The following POLR2F variants were observed in gnomAD, a reference collection of about 807,000 sequenced individuals.
POLR2F encodes the protein RNA polymerase II, I and III subunit F.
POLR2F carries 12 observed loss-of-function variants against 22.7 expected under a neutral mutation model. The observed-to-expected ratio is 0.53, with a 90% CI of 0.34 to 0.86. POLR2F has a LOEUF of 0.86. Among genes scored for constraint, POLR2F ranks in the 40% least tolerant of loss-of-function variants. The pLI, the probability that POLR2F is intolerant of heterozygous loss-of-function variation, is 0.02. For synonymous variants in POLR2F, 57 were observed against 66.0 expected (o/e 0.86, Z 0.66); for missense variants, 126 against 171.5 (o/e 0.73, Z 1.48).
chr22:37,994,046 A>T (rs369401122), intron 1 of POLR2F, among the ~76,000 whole-genome samples: 1 of 152,234 alleles, frequency 6.6e-6, no homozygotes, highest in East Asian at 1.9e-4. Flanking sequence ...AACAAGACCT[A>T]GTAGTTGCCT....
chr22:38,001,377 C>G (rs1343689965), intron 1 of POLR2F, among the ~76,000 whole-genome samples: 2 of 152,084 alleles, frequency 1.3e-5, no homozygotes, highest in Non-Finnish European at 2.9e-5. Flanking sequence ...TTGACAGATA[C>G]AGAAATAATG....
chr22:37,976,624 G>A (rs73415864), intron 4 of POLR2F, among the ~76,000 whole-genome samples: 4 of 152,242 alleles, frequency 2.6e-5, no homozygotes, highest in South Asian at 4.1e-4. Context: ...GCAGATGCCC[G>A]GGAGCCAAAC....
chr22:37,988,862 C>G (rs1217502751), intron 1 of POLR2F: 1 of 154,380 alleles, frequency 6.5e-6, no homozygotes, highest in Non-Finnish European at 1.5e-5. Flanking sequence ...CTGGACCCAC[C>G]AGCCAGGCAG....
rs561763213 is a variant in POLR2F, at chr22:37,976,057, T to C, written c.293+8887T>C. 7.9e-5 allele frequency among the ~76,000 whole-genome samples: 12 copies of C among 152,190 alleles called. 1 individual carries two copies. The highest frequency in any genetic ancestry group is 2.9e-4 in the African/African-American group (12 of 41,522). On this transcript the variant is annotated intron_variant, in intron 4 of 4. Transcript: ENST00000405557. Reference sequence around the variant, plus strand: ...GGCCAACACGGTGAAAAACCATCTCTACTAAAAATACAATAATTAGCTGGG... The same window carrying C: ...GGCCAACACGGTGAAAAACCATCTCCACTAAAAATACAATAATTAGCTGGG...
intron 1 of POLR2F, among the ~76,000 whole-genome samples, chr22:38,022,791 T>A (rs906010172): frequency 3.9e-5 from 6 of 152,074 alleles, no homozygotes; most frequent in Admixed American, 1.3e-4. Flanking sequence ...GGCAGGAGAA[T>A]CACTTGAGGC....
upstream of POLR2F, chr22:37,983,825 C>T (rs1348458381): frequency 5.1e-6 from 7 of 1,366,172 alleles, no homozygotes; most frequent in Non-Finnish European, 5.7e-6. This position sits in a 1 kb window ranked among gnomAD's most constrained non-coding sequence, Gnocchi z 9.5. Flanking sequence ...GGCCGCCTCC[C>T]CCGGGCCAGC....
In POLR2F at chr22:37,986,987, T is replaced by C. The variant is rs1218124556; in HGVS notation, c.120+675T>C. On this transcript the variant is annotated intron_variant, in intron 1 of 2. Coordinates refer to the POLR2F transcript ENST00000333418. The surrounding 1 kb of genome is among the most constrained non-coding windows in gnomAD (Gnocchi z 4.7). The stretch of plus-strand genomic sequence containing the variant: ...TGTCACCTTCTCCTCCTTTCCCTGC[T>C]GGGGGTGGCAGGGGTCCCTTTACCC... 1 of 453,664 alleles carries C rather than the reference T, an allele frequency of 2.2e-6. No homozygotes were observed. The highest frequency in any genetic ancestry group is 4.5e-6 in the Non-Finnish European group (1 of 224,716). The allele number at this position is 453,664 out of a possible 1,614,324, so 28.1% of individuals were successfully genotyped here. A position where few individuals can be genotyped will look rare whatever the true frequency, so the allele number is the denominator to read the frequency against.
At chr22:38,001,674 A>G (rs2084771387) in intron 1 of POLR2F, among the ~76,000 whole-genome samples, 1 of 152,034 alleles carries the variant, frequency 6.6e-6, no homozygotes, top group South Asian at 2.1e-4. Flanking sequence ...CTGGGATTAC[A>G]GGCATGTACC....
chr22:37,979,822 G>T (rs1434395461), intron 4 of POLR2F, among the ~76,000 whole-genome samples: 1 of 152,076 alleles, frequency 6.6e-6, no homozygotes, highest in Non-Finnish European at 1.5e-5. Context: ...TAGAATCCCA[G>T]ACCTTGGTAC....
intron 4 of POLR2F, chr22:37,977,961 G>A (rs760118764): frequency 5.6e-6 from 9 of 1,612,144 alleles, no homozygotes; most frequent in Admixed American, 1.7e-5. Flanking sequence ...CCTGGATGGC[G>A]GCGGTCCCAC....
intron 1 of POLR2F, among the ~76,000 whole-genome samples, chr22:38,018,536 G>A (rs1309494962): frequency 1.3e-5 from 2 of 152,170 alleles, no homozygotes; most frequent in East Asian, 1.9e-4. Flanking sequence ...GGCTATCACC[G>A]AATTCTGATG....
At chr22:38,023,377 T>C (rs2084977651) in intron 1 of POLR2F, among the ~76,000 whole-genome samples, 1 of 152,120 alleles carries the variant, frequency 6.6e-6, no homozygotes, top group South Asian at 2.1e-4. Context: ...TGAAAACTGT[T>C]TCTTAAAATC....
At chr22:38,011,125 A>G (rs1430861089) in intron 1 of POLR2F, among the ~76,000 whole-genome samples, 1 of 151,590 alleles carries the variant, frequency 6.6e-6, no homozygotes, top group Non-Finnish European at 1.5e-5. Flanking sequence ...TTTTTGAGAC[A>G]GGGTCTTGTT....
In POLR2F at chr22:37,986,603, T is replaced by C. The variant is rs1016188657; in HGVS notation, c.120+291T>C. 2 of 687,776 alleles carry C rather than the reference T, an allele frequency of 2.9e-6. No individual in the cohort carries two copies. The highest frequency in any genetic ancestry group is 3.5e-5 in the African/African-American group (2 of 56,936). The allele number at this position is 687,776 out of a possible 1,614,324, so 42.6% of individuals were successfully genotyped here. ...AGCCACGCTAGACAGAAGGGGCCAC[T>C]CCCTCTCTCTCTCCCTTGTCCCCGC... is the stretch of plus-strand genomic sequence containing the variant. On this transcript the variant is annotated intron_variant, in intron 1 of 2. Transcript: ENST00000333418. The surrounding 1 kb of genome is among the most constrained non-coding windows in gnomAD (Gnocchi z 4.7).
At chr22:37,990,269 G>A (rs1932697401) in intron 1 of POLR2F, among the ~76,000 whole-genome samples, 1 of 152,222 alleles carries the variant, frequency 6.6e-6, no homozygotes, top group Non-Finnish European at 1.5e-5. Context: ...TGTTTCTGGT[G>A]CAAGCAGAGG....
chr22:38,014,078 C>T (rs969320777), intron 1 of POLR2F, among the ~76,000 whole-genome samples: 8 of 147,514 alleles, frequency 5.4e-5, no homozygotes, highest in East Asian at 2.0e-4. Context: ...GCAGATATCA[C>T]GCCATTGCAC....
At chr22:38,028,443 T>A (rs980104879), downstream of POLR2F, among the ~76,000 whole-genome samples, 1 of 152,102 alleles carries the variant, frequency 6.6e-6, no homozygotes, top group African/African-American at 2.4e-5. Flanking sequence ...GGGTGACTGA[T>A]ACGGGGGCTC....
chr22:37,958,355 AT>A (rs59671131), intron 2 of POLR2F: 5,430 of 141,902 alleles, frequency 0.038, 282 homozygotes, highest in African/African-American at 0.13. Flanking sequence ...CGCCCGGCTA[AT>A]TTTTTTTTTT....
intron 1 of POLR2F, chr22:37,988,812 A>G (rs1932658708): frequency 6.5e-6 from 1 of 154,390 alleles, no homozygotes. Context: ...ACCCCCTTCC[A>G]GAGCCAAAAT....
Sources: allele counts gnomAD v4.1 joint callset (sites outside exome capture counted in the v4.1 genomes callset), GRCh38; gene constraint gnomAD v4.1.1; non-coding constraint Gnocchi (gnomAD v3.1); transcripts MANE v1.5; gene names NCBI Gene and HGNC (gene_info 2026-07-23, HGNC 2026-07-21).